The following MEIG1 variants were observed in gnomAD, a reference collection of about 807,000 sequenced individuals.
The protein encoded by MEIG1 is meiosis expressed gene 1 protein homolog.
In MEIG1, 12 loss-of-function variants were observed where a neutral mutation model predicts 11.3. The ratio of observed to expected loss-of-function variants is 1.07; its 90% confidence interval spans 0.68 to 1.73. The LOEUF (loss-of-function observed/expected upper bound fraction) is 1.73, where lower values mean the gene tolerates loss of function less well. Among genes scored for constraint, MEIG1 ranks in the 40% most tolerant of loss-of-function variants. The pLI, the probability that MEIG1 is intolerant of heterozygous loss-of-function variation, is 0.00. For synonymous variants in MEIG1, 41 were observed against 33.2 expected (o/e 1.24, Z -0.81); for missense variants, 119 against 104.9 (o/e 1.13, Z -0.59).
rs147761312 is a variant in MEIG1 at position 14,972,568 on chromosome 10, C to T, written c.194C>T (p.Thr65Met). ...YVKKLQRRDN[T>M]FYYYNKQREC... ...AAGAAACTTCAGAGAAGGGACAATA[C>T]GTTCTATTACTACAACAAACAGAGG... The change falls in exon 3 of 3, where the codon ACG becomes ATG. Residue 65 changes from threonine to methionine, a missense_variant. Coordinates refer to ENST00000407572, the MANE Select transcript of MEIG1 (RefSeq NM_001080836.3). 26 of 1,613,806 alleles carry T rather than the reference C, an allele frequency of 1.6e-5. No homozygotes were observed. The African/African-American group carries it at 2.1e-4, about 13-fold the overall frequency.
chr10:14,956,569 C>T (rs1056059569), upstream of MEIG1, among the ~76,000 whole-genome samples: 8 of 151,984 alleles, frequency 5.3e-5, no homozygotes, highest in African/African-American at 7.3e-5. Flanking sequence ...GCAACAAGAG[C>T]GAAACTCCAT....
At chr10:14,983,349 G>C (rs188692530) in intron 1 of MEIG1, among the ~76,000 whole-genome samples, 93 of 152,164 alleles carry the variant, frequency 6.1e-4, no homozygotes, top group African/African-American at 2.2e-3. Flanking sequence ...ATATCCAGAG[G>C]GGGAGAGGGT....
At chr10:14,964,585 GTATATATATA>G (rs1240178960) in intron 1 of MEIG1, among the ~76,000 whole-genome samples, 41 of 93,032 alleles carry the variant, frequency 4.4e-4, no homozygotes, top group Non-Finnish European at 7.6e-4. Flanking sequence ...GTGTGTGTGT[GTATATATATA>G]TATATATATA....
chr10:14,986,468 T>G lies in MEIG1; in HGVS notation n.67-328T>G, dbSNP rs143354006. 4.3e-3 allele frequency among the ~76,000 whole-genome samples: 657 copies of G among 152,366 alleles called. 2 individuals are homozygous for G. The highest frequency in any genetic ancestry group is 0.015 in the African/African-American group (617 of 41,586). ...TTCTTGTGAAGTAAAATTTTCATACTGTACTATCAAACACTAGAACTCACT... is the reference window on the plus strand; with the variant it reads ...TTCTTGTGAAGTAAAATTTTCATACGGTACTATCAAACACTAGAACTCACT... On this transcript the variant is annotated intron_variant and non_coding_transcript_variant, in intron 1 of 2. Coordinates refer to the MEIG1 transcript ENST00000467536.
chr10:14,987,224 T>A, intron 2 of MEIG1: 1 of 963,488 alleles, frequency 1.0e-6, no homozygotes, highest in South Asian at 1.3e-5. Flanking sequence ...GAACCCGATG[T>A]CAGCCCAGCA....
intron 1 of MEIG1, among the ~76,000 whole-genome samples, chr10:14,985,761 G>A (rs113795511): frequency 0.026 from 4,007 of 152,080 alleles, 168 homozygotes; most frequent in African/African-American, 0.09. Flanking sequence ...TCACAGGGGT[G>A]TACATGCTTT....
At chr10:14,979,358 T>A (rs1483339251) in intron 1 of MEIG1, among the ~76,000 whole-genome samples, 1 of 151,988 alleles carries the variant, frequency 6.6e-6, no homozygotes, top group Admixed American at 6.6e-5. Context: ...CCTGTGATAT[T>A]ATTCGGAATA....
At chr10:14,978,958 G>A (rs1319837264) in intron 1 of MEIG1, among the ~76,000 whole-genome samples, 2 of 151,848 alleles carry the variant, frequency 1.3e-5, no homozygotes, top group Non-Finnish European at 2.9e-5. Flanking sequence ...AATGTTATGG[G>A]TCGTATTCTA....
chr10:14,961,095 A>G (rs933607008), intron 1 of MEIG1, among the ~76,000 whole-genome samples: 2 of 152,216 alleles, frequency 1.3e-5, no homozygotes, highest in African/African-American at 4.8e-5. Flanking sequence ...TTATGTCCCA[A>G]TACACCCATG....
At chr10:14,981,143 C>T (rs541231600) in intron 1 of MEIG1, among the ~76,000 whole-genome samples, 1 of 151,812 alleles carries the variant, frequency 6.6e-6, no homozygotes, top group East Asian at 1.9e-4. Flanking sequence ...TTTGCCTAAG[C>T]GGCTGGGCCC....
At chr10:14,961,689 A>G (rs979313755) in intron 1 of MEIG1, among the ~76,000 whole-genome samples, 1 of 130,112 alleles carries the variant, frequency 7.7e-6, no homozygotes, top group Non-Finnish European at 1.6e-5. Flanking sequence ...CAGGTTGGCT[A>G]GGCTGGTCTC....
chr10:14,961,942 A>G (rs565106907), intron 1 of MEIG1, among the ~76,000 whole-genome samples: 1 of 151,958 alleles, frequency 6.6e-6, no homozygotes, highest in African/African-American at 2.4e-5. Flanking sequence ...CCAGTAGCTG[A>G]GACTACAGTC....
chr10:14,959,392 A>C lies in MEIG1; in HGVS notation c.-195A>C, dbSNP rs1842984358. The C allele has an allele frequency of 6.6e-6, 1 of 152,310 alleles. No individual in the cohort carries two copies. Among genetic ancestry groups the C allele is most frequent in the Non-Finnish European group, 1.5e-5 (1 of 68,080 alleles). The allele number at this position is 152,310 out of a possible 1,614,324, so 9.4% of individuals were successfully genotyped here. ...CTCCTGCAGCTTCATCGCGTTACTA[A>C]GAGACGCGAGGGTCGCGAAGGGCAC... On this transcript the variant is annotated 5_prime_UTR_variant, in exon 1 of 3. Transcript: ENST00000407572.
intron 1 of MEIG1, among the ~76,000 whole-genome samples, chr10:14,984,487 G>T (rs775122195): frequency 1.3e-5 from 2 of 151,978 alleles, no homozygotes; most frequent in African/African-American, 4.8e-5. Flanking sequence ...ACATTAAGAA[G>T]AATGTCACAA....
At chr10:14,960,520 G>A (rs1308448330) in intron 1 of MEIG1, among the ~76,000 whole-genome samples, 1 of 152,064 alleles carries the variant, frequency 6.6e-6, no homozygotes, top group Non-Finnish European at 1.5e-5. Flanking sequence ...CCGGGTTCAC[G>A]CCATTCTCCT....
intron 2 of MEIG1, chr10:14,987,438 G>C: frequency 1.4e-6 from 1 of 720,578 alleles, no homozygotes; most frequent in Non-Finnish European, 2.6e-6. Flanking sequence ...AGATTCCGTG[G>C]CTCTGTGTGT....
At chr10:14,980,630 G>T (rs987789708) in intron 1 of MEIG1, among the ~76,000 whole-genome samples, 1 of 152,162 alleles carries the variant, frequency 6.6e-6, no homozygotes, top group African/African-American at 2.4e-5. Flanking sequence ...CTGACCTGGG[G>T]TGTCCCAGCA....
chr10:14,986,590 C>T (rs1404130733), intron 1 of MEIG1, among the ~76,000 whole-genome samples: 1 of 152,214 alleles, frequency 6.6e-6, no homozygotes, highest in Non-Finnish European at 1.5e-5. Flanking sequence ...CTCCTTTATA[C>T]TTTCCACCTT....
At chr10:14,987,945 T>C (rs1343241134) in exon 3 of MEIG1, 1 of 153,154 alleles carries the variant, frequency 6.5e-6, no homozygotes, top group African/African-American at 2.4e-5. Context: ...AACCTTATAG[T>C]TCTCAATGGG....
Sources: gnomAD v4.1 joint callset for allele counts (sites outside exome capture counted in the v4.1 genomes callset) on GRCh38, gnomAD v4.1.1 for gene constraint, MANE v1.5 for transcripts, NCBI Gene and HGNC (gene_info 2026-07-23, HGNC 2026-07-21) for gene names.